The following ATCAY variants were observed in gnomAD, a reference collection of about 807,000 sequenced individuals.
ATCAY encodes ATCAY kinesin light chain interacting caytaxin.
Under a neutral mutation model 47.7 loss-of-function variants are expected in ATCAY, and 22 were observed. The observed-to-expected ratio is 0.46, with a 90% confidence interval of 0.33 to 0.66. The LOEUF (loss-of-function observed/expected upper bound fraction) is 0.66, where lower values mean the gene tolerates loss of function less well. ATCAY is among the 30% of genes least tolerant of loss of function. ATCAY has a pLI of 0.02. For missense variants in ATCAY, 452 were observed against 515.0 expected (o/e 0.88, Z 1.18); for synonymous variants, 216 against 207.6 (o/e 1.04, Z -0.35).
chr19:3,884,724 C>G (rs12459671), intron 1 of ATCAY, among the ~76,000 whole-genome samples: 16,139 of 151,960 alleles, frequency 0.11, 1,175 homozygotes, highest in East Asian at 0.24. Context: ...CTGAACCCCA[C>G]TGTGCATCCT....
intron 2 of ATCAY, among the ~76,000 whole-genome samples, chr19:3,890,247 ATTT>A (rs764697276): frequency 0.01 from 396 of 38,352 alleles, no homozygotes; most frequent in Middle Eastern, 0.048. Flanking sequence ...TCCACCTATA[ATTT>A]TTTTTTTTTT....
intron 2 of ATCAY, among the ~76,000 whole-genome samples, chr19:3,891,052 CTT>C (rs376828032): frequency 2.2e-4 from 32 of 142,252 alleles, no homozygotes; most frequent in Admixed American, 2.1e-4. Context: ...CCTTCTAGCA[CTT>C]TTTTTTTTTT....
At position 3,907,815 on chromosome 19, in the gene ATCAY, GCGC is replaced by G; in HGVS notation, c.445_447del (p.Ala149del). Reference sequence around the variant, plus strand: ...GGGGACGGCACGACGGAGGACGGCAGCGCCGCCAACGGGCGCCTGTGGCGGACA... The same window carrying G: ...GGGGACGGCACGACGGAGGACGGCAGCGCCAACGGGCGCCTGTGGCGGACA... On this transcript the variant is annotated inframe_deletion, in exon 5 of 13. Coordinates refer to ENST00000450849, the MANE Select transcript of ATCAY (RefSeq NM_033064.5). This position sits in a 1 kb window ranked among gnomAD's most constrained non-coding sequence, Gnocchi z 5.1. 3.1e-6 allele frequency: 5 copies of G among 1,613,982 alleles called. No homozygotes were observed. Among genetic ancestry groups the G allele is most frequent in the Middle Eastern group, 1.6e-4 (1 of 6,062 alleles).
At position 3,917,750 on chromosome 19, in the gene ATCAY, A is replaced by C. The variant is rs1313887762; in HGVS notation, c.974A>C (p.Glu325Ala). The C allele has an allele frequency of 6.2e-7, 1 of 1,613,404 alleles. No individual in the cohort carries two copies. Among genetic ancestry groups the C allele is most frequent in the Non-Finnish European group, 8.5e-7 (1 of 1,179,698 alleles). ...QIPDCVLQYE[E>A]ERLKARRESA... ...CTTTTTCTTTCTTTCAGATACGAAGAGGAAAGACTGAAGGCCAGGAGGGAG... is the reference window on the plus strand; with the variant it reads ...CTTTTTCTTTCTTTCAGATACGAAGCGGAAAGACTGAAGGCCAGGAGGGAG... Residue 325 changes from glutamate to alanine, a missense_variant, in exon 10 of 13, where the codon GAG (glutamate) becomes GCG (alanine). Transcript: ENST00000450849.
chr19:3,921,968 C>G (rs141330543), intron 12 of ATCAY, among the ~76,000 whole-genome samples: 1 of 151,994 alleles, frequency 6.6e-6, no homozygotes, highest in Non-Finnish European at 1.5e-5. Flanking sequence ...CAGGAGAGAT[C>G]GGGTGGAAGC....
intron 5 of ATCAY, 92 bp from the exon 6 acceptor site, chr19:3,908,176 G>A (rs184429970): frequency 6.3e-5 from 74 of 1,183,888 alleles, no homozygotes; most frequent in Admixed American, 3.2e-4. Context: ...CCTCCCGAGC[G>A]TGTGGGCACC....
chr19:3,905,722 G>A, intron 4 of ATCAY, 67 bp downstream of exon 4: 1 of 1,427,366 alleles, frequency 7.0e-7, no homozygotes, highest in Non-Finnish European at 9.7e-7. Flanking sequence ...TCCGTCTCTG[G>A]ATTCCCATAG....
intron 1 of ATCAY, among the ~76,000 whole-genome samples, chr19:3,882,832 G>A (rs193107260): frequency 1.0e-4 from 15 of 143,034 alleles, no homozygotes; most frequent in African/African-American, 2.9e-4. Flanking sequence ...TTTGCTTTTC[G>A]TAGAGATGGT....
At chr19:3,905,320 C>T in intron 3 of ATCAY, 114 bp from the exon 4 acceptor site, 1 of 1,075,774 alleles carries the variant, frequency 9.3e-7, no homozygotes, top group South Asian at 1.6e-5. Flanking sequence ...AGAAGGGAGC[C>T]CACCCTCTCT....
chr19:3,906,591 C>T (rs913256634), intron 4 of ATCAY, among the ~76,000 whole-genome samples: 9 of 152,014 alleles, frequency 5.9e-5, no homozygotes, highest in East Asian at 2.0e-4. Context: ...GTGTGAGCCA[C>T]GGCGCCCAGC....
intron 2 of ATCAY, among the ~76,000 whole-genome samples, chr19:3,894,007 T>C (rs1277278489): frequency 1.3e-5 from 2 of 152,070 alleles, no homozygotes; most frequent in Non-Finnish European, 2.9e-5. Flanking sequence ...TCTGGAGTGC[T>C]CTTGCCTGGT....
chr19:3,921,329 G>A (rs2039017631), intron 12 of ATCAY, among the ~76,000 whole-genome samples: 1 of 151,074 alleles, frequency 6.6e-6, no homozygotes, highest in African/African-American at 2.4e-5. Flanking sequence ...TGGGCAACAT[G>A]GCAAGACCCC....
chr19:3,903,374 C>T (rs779753975), intron 3 of ATCAY, among the ~76,000 whole-genome samples: 20 of 152,102 alleles, frequency 1.3e-4, no homozygotes, highest in Non-Finnish European at 2.8e-4. Flanking sequence ...GAGTTTTAGC[C>T]GTAACCTGGC....
rs533050723 is a variant in ATCAY, at chr19:3,885,673, T to C, written c.-41-54T>C. The stretch of plus-strand genomic sequence containing the variant: ...GGGAAGAGCTGCATGGGGTAGACGA[T>C]TGTCATTAGGACTATTGTCCAGTAA... On this transcript the variant is annotated intron_variant, in intron 1 of 12. Coordinates refer to ENST00000450849, the MANE Select transcript of ATCAY (RefSeq NM_033064.5). 2.4e-5 allele frequency: 25 copies of C among 1,037,466 alleles called. No homozygotes were observed. The Admixed American group carries it at 3.1e-4, about 13-fold the overall frequency. The allele number at this position is 1,037,466 out of a possible 1,614,324, so 64.3% of individuals were successfully genotyped here.
intron 2 of ATCAY, among the ~76,000 whole-genome samples, chr19:3,891,745 G>C (rs1250049234): frequency 1.3e-5 from 2 of 151,946 alleles, no homozygotes; most frequent in Admixed American, 1.3e-4. Flanking sequence ...AGCTTACCCA[G>C]GGCATCCTAG....
Position 3,922,948 on chromosome 19 carries a change from T to C in ATCAY, c.1107-1635T>C, listed in dbSNP as rs576590017. Among the ~76,000 whole-genome samples, 18 of 152,284 alleles carry C rather than the reference T, an allele frequency of 1.2e-4. No individual in the cohort carries two copies. The South Asian group carries it at 3.1e-3, about 26-fold the overall frequency. ...TTTTAGTAGAGACGGGGTTTCACCA[T>C]GTTAGCCGGGATGGTCTCGATCTCC... is the stretch of plus-strand genomic sequence containing the variant. On this transcript the variant is annotated intron_variant, in intron 12 of 12. Coordinates refer to ENST00000450849, the MANE Select transcript of ATCAY (RefSeq NM_033064.5).
chr19:3,904,972 G>C (rs1029565956), intron 3 of ATCAY, among the ~76,000 whole-genome samples: 14 of 152,076 alleles, frequency 9.2e-5, no homozygotes, highest in African/African-American at 3.4e-4. Flanking sequence ...TGATTCTCCT[G>C]CCTCAGACTC....
chr19:3,887,703 G>C (rs547675638), intron 2 of ATCAY, among the ~76,000 whole-genome samples: 1 of 150,488 alleles, frequency 6.6e-6, no homozygotes, highest in South Asian at 2.1e-4. Context: ...AGCCAGGATG[G>C]TCTCGATCGT....
At chr19:3,888,199 T>A (rs370896728) in intron 2 of ATCAY, among the ~76,000 whole-genome samples, 8 of 152,126 alleles carry the variant, frequency 5.3e-5, no homozygotes, top group African/African-American at 1.9e-4. Flanking sequence ...TAAAGATAGC[T>A]GCTCATCCCT....
Sources: gnomAD v4.1 joint callset for allele counts (sites outside exome capture counted in the v4.1 genomes callset) on GRCh38, gnomAD v4.1.1 for gene constraint, Gnocchi (gnomAD v3.1) non-coding constraint, MANE v1.5 for transcripts, NCBI Gene and HGNC (gene_info 2026-07-23, HGNC 2026-07-21) for gene names.